DHCR24: variants seen among roughly 807,000 people sequenced by gnomAD.
DHCR24 encodes the protein 24-dehydrocholesterol reductase.
A neutral mutation model predicts 61.2 loss-of-function variants in DHCR24; 28 were observed. That is an observed-to-expected ratio of 0.46 (90% CI 0.34 to 0.63). The LOEUF (loss-of-function observed/expected upper bound fraction) is 0.63, where lower values mean the gene tolerates loss of function less well. Among genes scored for constraint, DHCR24 ranks in the 20% least tolerant of loss-of-function variants. The probability of loss-of-function intolerance (pLI) is 0.01; values close to 1 mark genes in which losing one functional copy is unlikely to be tolerated. For missense variants in DHCR24, 538 were observed against 679.1 expected, an observed-to-expected ratio of 0.79 and a Z score of 2.31; for synonymous variants, 261 against 275.9, an observed-to-expected ratio of 0.95 and a Z score of 0.54.
intron 2 of DHCR24, among the ~76,000 whole-genome samples, chr1:54,881,629 C>T (rs1052852927): frequency 6.6e-6 from 1 of 152,150 alleles, no homozygotes; most frequent in Non-Finnish European, 1.5e-5. Context: ...CCAGCAATCT[C>T]ATTACTGGGT....
chr1:54,870,995 A>G (rs1646995432), intron 5 of DHCR24, among the ~76,000 whole-genome samples: 1 of 152,216 alleles, frequency 6.6e-6, no homozygotes, highest in Non-Finnish European at 1.5e-5. Flanking sequence ...GGAAGTTTAC[A>G]TTACCTCTTT....
At chr1:54,865,506 G>GT (rs1646963725) in intron 5 of DHCR24, 60 bp from the exon 6 acceptor site, 1 of 1,608,332 alleles carries the variant, frequency 6.2e-7, no homozygotes. Flanking sequence ...CCATCGGGGT[G>GT]TAACAGCGAC....
At chr1:54,875,857 G>A in intron 3 of DHCR24, 85 bp downstream of exon 3, 1 of 1,063,282 alleles carries the variant, frequency 9.4e-7, no homozygotes, top group Non-Finnish European at 1.5e-6. Context: ...GGCAATTCCA[G>A]GACTAGATGG....
At chr1:54,864,252 A>G (rs1431633950) in intron 6 of DHCR24, among the ~76,000 whole-genome samples, 1 of 152,220 alleles carries the variant, frequency 6.6e-6, no homozygotes, top group Non-Finnish European at 1.5e-5. Context: ...CATGCACATG[A>G]AGGTTTGTAG....
chr1:54,867,189 T>G (rs1437720940), intron 5 of DHCR24, among the ~76,000 whole-genome samples: 1 of 152,214 alleles, frequency 6.6e-6, no homozygotes, highest in East Asian at 1.9e-4. Flanking sequence ...TTCCTATCTC[T>G]GGGCCTCCTC....
chr1:54,865,061 C>A (rs912048656), intron 6 of DHCR24, among the ~76,000 whole-genome samples: 1 of 152,150 alleles, frequency 6.6e-6, no homozygotes, highest in Non-Finnish European at 1.5e-5. Flanking sequence ...CCCAAAGTAC[C>A]GGCCCAGGGG....
In DHCR24 at chr1:54,852,213, C is replaced by T; in HGVS notation, c.*20G>A. The T allele has an allele frequency of 6.2e-7, 1 of 1,614,098 alleles. No individual in the cohort carries two copies. Among genetic ancestry groups the T allele is most frequent in the South Asian group, 1.1e-5 (1 of 91,084 alleles). ...TGCCTGACCACTCACACGTGTCTGT[C>T]TCTCCAGGCGGGCTCCAGCTCAGTG... On this transcript the variant is annotated 3_prime_UTR_variant, in exon 9 of 9. Transcript: ENST00000371269.
chr1:54,853,329 A>C (rs913940755), intron 8 of DHCR24, 105 bp downstream of exon 8: 23 of 1,452,072 alleles, frequency 1.6e-5, no homozygotes, highest in Non-Finnish European at 2.2e-5. Context: ...GAACCAGTTG[A>C]TAGGCTTGGG....
chr1:54,864,059 G>T (rs72903516), intron 6 of DHCR24, among the ~76,000 whole-genome samples: 14,008 of 152,206 alleles, frequency 0.092, 899 homozygotes, highest in East Asian at 0.2. Context: ...AACAAGTGTT[G>T]GTGAGAATGT....
chr1:54,864,447 T>C (rs1464669780), intron 6 of DHCR24, among the ~76,000 whole-genome samples: 1 of 152,208 alleles, frequency 6.6e-6, no homozygotes, highest in Non-Finnish European at 1.5e-5. Context: ...ACATACTGAA[T>C]GATTCCATAT....
At chr1:54,876,338 A>C (rs1647028417) in intron 2 of DHCR24, among the ~76,000 whole-genome samples, 1 of 152,132 alleles carries the variant, frequency 6.6e-6, no homozygotes, top group South Asian at 2.1e-4. Flanking sequence ...AAGATACAGC[A>C]AAAGTGAAGA....
rs199696695 is a variant in DHCR24, at chr1:54,869,604, C to G, written c.876+1746G>C. On this transcript the variant is annotated intron_variant, in intron 5 of 8. Transcript: ENST00000371269. ...ACATACATATACACACACACACACA[C>G]AGAGAAATAGGTCTCGGCTGGGTGT... is the stretch of plus-strand genomic sequence containing the variant. Among the ~76,000 whole-genome samples, 9 of 151,794 alleles carry G rather than the reference C, an allele frequency of 5.9e-5. No individual in the cohort carries two copies. The East Asian group carries it at 7.7e-4, about 13-fold the overall frequency.
intron 6 of DHCR24, among the ~76,000 whole-genome samples, chr1:54,854,749 C>T (rs537268726): frequency 2.6e-4 from 39 of 152,314 alleles, no homozygotes; most frequent in African/African-American, 9.1e-4. Context: ...CAGTCTGGCT[C>T]AGGTTCGACA....
intron 1 of DHCR24, among the ~76,000 whole-genome samples, chr1:54,884,809 C>G (rs536559985): frequency 7.9e-5 from 12 of 152,284 alleles, no homozygotes; most frequent in African/African-American, 2.9e-4. Context: ...GACAGCCACT[C>G]TCTCTTTACT....
intron 6 of DHCR24, among the ~76,000 whole-genome samples, chr1:54,862,011 C>T (rs1646940937): frequency 6.6e-6 from 1 of 152,160 alleles, no homozygotes. Context: ...AGTACTGCTT[C>T]CCTCCTGACA....
rs144785673 is a variant in DHCR24 at position 54,883,599 on chromosome 1, G to C, written c.387+19C>G. 1 of 1,614,096 alleles carries C rather than the reference G, an allele frequency of 6.2e-7. No homozygotes were observed. The highest frequency in any genetic ancestry group is 1.1e-5 in the South Asian group (1 of 91,052). Reference sequence around the variant, plus strand: ...AGTGCCCCACCTGCTCCCAGAGCCCGGAAAAGTGCTACTCTCACCTGTTTC... The same window carrying C: ...AGTGCCCCACCTGCTCCCAGAGCCCCGAAAAGTGCTACTCTCACCTGTTTC... On this transcript the variant is annotated intron_variant, in intron 2 of 8. Transcript: ENST00000371269. This position sits in a 1 kb window ranked among gnomAD's most constrained non-coding sequence, Gnocchi z 4.3.
intron 8 of DHCR24, among the ~76,000 whole-genome samples, chr1:54,852,720 T>A (rs1646883497): frequency 6.6e-6 from 1 of 152,084 alleles, no homozygotes; most frequent in Non-Finnish European, 1.5e-5. Flanking sequence ...GTTATTGACT[T>A]TCAATAAACT....
intron 5 of DHCR24, 111 bp downstream of exon 5, chr1:54,871,239 G>C (rs1397715351): frequency 7.2e-7 from 1 of 1,390,444 alleles, no homozygotes; most frequent in Admixed American, 1.8e-5. Flanking sequence ...GTTGACCCAG[G>C]CAGCAGCCTT....
intron 1 of DHCR24, 91 bp downstream of exon 1, chr1:54,886,798 G>C: frequency 8.7e-7 from 1 of 1,151,284 alleles, no homozygotes; most frequent in Middle Eastern, 2.4e-4. Context: ...GGCCGCCCCC[G>C]CACCGCAGCT....
Sources: gnomAD v4.1 joint callset for allele counts (sites outside exome capture counted in the v4.1 genomes callset) on GRCh38, gnomAD v4.1.1 for gene constraint, Gnocchi (gnomAD v3.1) non-coding constraint, MANE v1.5 for transcripts, NCBI Gene and HGNC (gene_info 2026-07-23, HGNC 2026-07-21) for gene names.